LMCD1: variants seen among roughly 807,000 people sequenced by gnomAD.
LMCD1 encodes the protein LIM and cysteine rich domains 1, also known as LIM and cysteine-rich domains protein 1.
A neutral mutation model predicts 42.7 loss-of-function variants in LMCD1; 32 were observed. The observed-to-expected ratio is 0.75, with a 90% confidence interval of 0.57 to 1.01. The LOEUF is 1.01. LMCD1 is among the 50% of genes least tolerant of loss of function. The pLI is 0.00. For synonymous variants in LMCD1, 178 were observed against 184.9 expected (o/e 0.96, Z 0.30); for missense variants, 458 against 483.1 (o/e 0.95, Z 0.49).
intron 1 of LMCD1, among the ~76,000 whole-genome samples, chr3:8,524,686 G>A (rs932526547): frequency 6.6e-5 from 9 of 136,288 alleles, no homozygotes; most frequent in African/African-American, 2.4e-4. Context: ...TTGTGATGTT[G>A]CTGTTGTTGT....
chr3:8,522,466 G>A (rs1432257186), intron 1 of LMCD1, among the ~76,000 whole-genome samples: 1 of 152,198 alleles, frequency 6.6e-6, no homozygotes. Context: ...GCCTGAACAC[G>A]GTGATTGGAA....
chr3:8,555,991 G>A (rs1378473922), intron 4 of LMCD1, among the ~76,000 whole-genome samples: 1 of 152,116 alleles, frequency 6.6e-6, no homozygotes, highest in Non-Finnish European at 1.5e-5. Flanking sequence ...GCAGTTTGCT[G>A]ACCCCTGAAC....
chr3:8,564,259 C>A (rs922971224), intron 4 of LMCD1, among the ~76,000 whole-genome samples: 1 of 151,826 alleles, frequency 6.6e-6, no homozygotes, highest in East Asian at 1.9e-4. Flanking sequence ...TAGAACTACT[C>A]AAATATTATT....
At chr3:8,556,085 G>T (rs7653602) in intron 4 of LMCD1, among the ~76,000 whole-genome samples, 40,136 of 152,064 alleles carry the variant, frequency 0.26, 5,783 homozygotes, top group African/African-American at 0.38. Flanking sequence ...TGAGCTAAAT[G>T]ATGACGATGA....
At chr3:8,530,108 G>A (rs148240128) in intron 1 of LMCD1, among the ~76,000 whole-genome samples, 32 of 152,266 alleles carry the variant, frequency 2.1e-4, no homozygotes, top group Non-Finnish European at 3.1e-4. Context: ...TGCTTCTAAC[G>A]TAGGCTGGCC....
At chr3:8,508,150 A>G (rs545005359) in intron 1 of LMCD1, among the ~76,000 whole-genome samples, 1 of 152,326 alleles carries the variant, frequency 6.6e-6, no homozygotes, top group East Asian at 1.9e-4. Context: ...TTTAAAGAAT[A>G]ATACATGTTA....
chr3:8,543,440 T>TAGATAGATAGATAGATAGACAGAC (rs1414608408), intron 3 of LMCD1, among the ~76,000 whole-genome samples: 9 of 134,256 alleles, frequency 6.7e-5, no homozygotes, highest in African/African-American at 2.5e-4. Flanking sequence ...GATAGATAGA[T>TAGATAGATAGATAGATAGACAGAC]AGACAGACAG....
chr3:8,517,471 G>A (rs1363007315), intron 1 of LMCD1, among the ~76,000 whole-genome samples: 1 of 152,206 alleles, frequency 6.6e-6, no homozygotes, highest in African/African-American at 2.4e-5. Context: ...CCTGTACTAT[G>A]TCTAACCTAT....
At chr3:8,524,160 C>G (rs1694253527) in intron 1 of LMCD1, among the ~76,000 whole-genome samples, 1 of 150,450 alleles carries the variant, frequency 6.6e-6, no homozygotes, top group African/African-American at 2.5e-5. Flanking sequence ...AAAAAGCCTT[C>G]CTGGCCAGGG....
At chr3:8,511,625 C>G (rs927486071) in intron 1 of LMCD1, among the ~76,000 whole-genome samples, 1 of 152,194 alleles carries the variant, frequency 6.6e-6, no homozygotes, top group African/African-American at 2.4e-5. Flanking sequence ...AGGCCATAGT[C>G]CAGTTTTATG....
intron 1 of LMCD1, among the ~76,000 whole-genome samples, chr3:8,531,428 A>C (rs1192382117): frequency 6.6e-6 from 1 of 152,090 alleles, no homozygotes; most frequent in Non-Finnish European, 1.5e-5. Context: ...TGCTTCTAAA[A>C]TCTGTGGCAA....
intron 2 of LMCD1, among the ~76,000 whole-genome samples, chr3:8,536,096 C>T (rs921295364): frequency 3.9e-5 from 6 of 152,190 alleles, no homozygotes; most frequent in Non-Finnish European, 7.3e-5. Context: ...ACGTATTTAC[C>T]TCCTGACTGT....
chr3:8,562,634 A>G (rs1177549371), intron 4 of LMCD1, among the ~76,000 whole-genome samples: 3 of 152,114 alleles, frequency 2.0e-5, no homozygotes, highest in Non-Finnish European at 4.4e-5. Context: ...AGAGCCCCTC[A>G]TCCCTCAGAG....
chr3:8,554,305 C>T lies in LMCD1; in HGVS notation c.723+5402C>T, dbSNP rs548551960. Among the ~76,000 whole-genome samples, 21 of 152,304 alleles carry T rather than the reference C, an allele frequency of 1.4e-4. No homozygotes were observed. The East Asian group carries it at 4.1e-3, about 29-fold the overall frequency. On this transcript the variant is annotated intron_variant, in intron 4 of 5. Transcript: ENST00000157600. ...GATGAGAGCGGGGCTTCGGTTCAAT[C>T]CCCAGTCCTTCTGCTTCACCGGCAG... is the stretch of plus-strand genomic sequence containing the variant.
intron 1 of LMCD1, among the ~76,000 whole-genome samples, chr3:8,504,937 C>T (rs1178078158): frequency 6.6e-6 from 1 of 152,238 alleles, no homozygotes; most frequent in African/African-American, 2.4e-5. Flanking sequence ...AGCTCCCCCA[C>T]TTACTAGCTG....
At chr3:8,561,417 T>C (rs916209625) in intron 4 of LMCD1, among the ~76,000 whole-genome samples, 2 of 150,458 alleles carry the variant, frequency 1.3e-5, no homozygotes, top group Admixed American at 1.3e-4. Context: ...GGTCTACTAA[T>C]GAGAAAAGCA....
intron 1 of LMCD1, among the ~76,000 whole-genome samples, chr3:8,511,145 C>G (rs188928826): frequency 2.0e-5 from 3 of 152,200 alleles, no homozygotes; most frequent in Non-Finnish European, 4.4e-5. Flanking sequence ...TTATTGTACT[C>G]ACAACAATCA....
intron 3 of LMCD1, among the ~76,000 whole-genome samples, chr3:8,546,359 G>C (rs1478371413): frequency 6.6e-6 from 1 of 152,230 alleles, no homozygotes; most frequent in Non-Finnish European, 1.5e-5. Flanking sequence ...ATTCAAAGCT[G>C]TCCTGGGCCA....
chr3:8,565,689 A>C (rs1238251120), intron 5 of LMCD1, 42 bp downstream of exon 5: 3 of 1,524,268 alleles, frequency 2.0e-6, no homozygotes, highest in Middle Eastern at 2.3e-4. Context: ...CTTGAGGGAC[A>C]CTGCTGAGGG....
Sources: gnomAD v4.1 joint callset for allele counts (sites outside exome capture counted in the v4.1 genomes callset) on GRCh38, gnomAD v4.1.1 for gene constraint, MANE v1.5 for transcripts, NCBI Gene and HGNC (gene_info 2026-07-23, HGNC 2026-07-21) for gene names.